Variants in LMAN2 observed in about 807,000 individuals in gnomAD.
The protein encoded by LMAN2 is vesicular integral-membrane protein VIP36.
Under a neutral mutation model 39.3 loss-of-function variants are expected in LMAN2, and 22 were observed. The ratio of observed to expected loss-of-function variants is 0.56; its 90% CI spans 0.40 to 0.80. LMAN2 has a LOEUF of 0.80. LMAN2 is among the 30% of genes least tolerant of loss of function. The probability of loss-of-function intolerance (pLI) is 0.00; values close to 1 mark genes in which losing one functional copy is unlikely to be tolerated. For missense variants in LMAN2, 494 were observed against 505.4 expected (o/e 0.98, Z 0.22); for synonymous variants, 207 against 207.8 (o/e 1.00, Z 0.03).
rs780699408 is a variant in LMAN2 at position 177,351,310 on chromosome 5, G to A, written c.197-19C>T. 28 of 1,612,768 alleles carry A rather than the reference G, an allele frequency of 1.7e-5. No individual in the cohort carries two copies. Among genetic ancestry groups the A allele is most frequent in the African/African-American group, 4.0e-5 (3 of 74,918 alleles). On this transcript the variant is annotated intron_variant, in intron 1 of 7. Transcript: ENST00000303127. ...CCGACCCCTGTGGGAAGAGACAGGT[G>A]CTAAGAGGCCACGCCAGGACTGGCC...
intron 2 of LMAN2, among the ~76,000 whole-genome samples, chr5:177,343,230 GGCGAC>G (rs1230688156): frequency 6.6e-6 from 1 of 152,132 alleles, no homozygotes; most frequent in Admixed American, 6.6e-5. Context: ...ACTCCAGCCT[GGCGAC>G]AGGGCGAGAC....
chr5:177,344,061 A>C (rs1179136990), intron 2 of LMAN2, among the ~76,000 whole-genome samples: 2 of 151,676 alleles, frequency 1.3e-5, no homozygotes, highest in Non-Finnish European at 2.9e-5. Context: ...AAATTAAAAA[A>C]AAAAAAATTA....
Position 177,334,281 on chromosome 5 carries a change from C to A in LMAN2, c.910+3G>T. The A allele has an allele frequency of 6.2e-7, 1 of 1,611,002 alleles. No homozygotes were observed. On this transcript the variant is annotated splice_donor_region_variant and intron_variant, in intron 7 of 7. Transcript: ENST00000303127. ...CAGGCAGGGCGGGGCTGTGCACACG[C>A]ACCTTTGGGCGACTTGAGGAAGTTG...
rs116443331 is a variant in LMAN2, at chr5:177,341,590, G to A, written c.316-2985C>T. 9.0e-3 allele frequency among the ~76,000 whole-genome samples: 1,368 copies of A among 152,248 alleles called. 25 individuals are homozygous for A. The highest frequency in any genetic ancestry group is 0.032 in the African/African-American group (1,314 of 41,528). On this transcript the variant is annotated intron_variant, in intron 2 of 7. Transcript: ENST00000303127. ...AATGAAGGTAAAATAAAGATATTTT[G>A]AGACAAACAAACAAAAACCAAAAGA...
intron 2 of LMAN2, among the ~76,000 whole-genome samples, chr5:177,344,917 A>G (rs1229253830): frequency 4.0e-5 from 6 of 151,518 alleles, no homozygotes; most frequent in Admixed American, 3.9e-4. Context: ...AAAAAAGAAA[A>G]GAAAAGAAAA....
intron 2 of LMAN2, among the ~76,000 whole-genome samples, chr5:177,339,001 T>C (rs1196819657): frequency 6.6e-6 from 1 of 152,216 alleles, no homozygotes; most frequent in Admixed American, 6.5e-5. Context: ...CAACTCCTAT[T>C]TGAGCAAAGT....
rs1009493387 is a variant in LMAN2, at chr5:177,332,647, C to T, written c.911-401G>A. Among the ~76,000 whole-genome samples the T allele has an allele frequency of 2.6e-5, 4 of 152,262 alleles. No homozygotes were observed. The highest frequency in any genetic ancestry group is 9.6e-5 in the African/African-American group (4 of 41,558). On this transcript the variant is annotated intron_variant, in intron 7 of 7. Transcript: ENST00000303127. The surrounding 1 kb of genome is among the most constrained non-coding windows in gnomAD (Gnocchi z 6.3). ...CTTTCTGGAGCAGCGCGGCCCTGGTCACAGGCTCTCCCAGCCCACAGCTGG... is the reference window on the plus strand; with the variant it reads ...CTTTCTGGAGCAGCGCGGCCCTGGTTACAGGCTCTCCCAGCCCACAGCTGG...
At chr5:177,340,748 C>A (rs1443520629) in intron 2 of LMAN2, among the ~76,000 whole-genome samples, 3 of 151,030 alleles carry the variant, frequency 2.0e-5, no homozygotes, top group Non-Finnish European at 3.0e-5. Flanking sequence ...CCAGCCTGGG[C>A]AACAGAGTGA....
intron 1 of LMAN2, 54 bp downstream of exon 1, chr5:177,351,397 AG>A: frequency 6.2e-7 from 1 of 1,603,678 alleles, no homozygotes; most frequent in Non-Finnish European, 8.5e-7. Flanking sequence ...GCCTTCCCCT[AG>A]CCCTGTTCAG....
chr5:177,338,434 C>T (rs2127315628), intron 3 of LMAN2, 54 bp downstream of exon 3: 1 of 1,452,572 alleles, frequency 6.9e-7, no homozygotes, highest in Non-Finnish European at 9.6e-7. Flanking sequence ...AGGGGGCCAG[C>T]AGCCATGCCC....
rs759347890 is a variant in LMAN2, at chr5:177,337,364, G to A, written c.674C>T (p.Thr225Met). Residue 225 changes from threonine to methionine, a missense_variant and splice_region_variant, in exon 5 of 8, where the codon ACG (threonine) becomes ATG (methionine). By Grantham distance (81) the Thr-to-Met change is moderately conservative (BLOSUM62 -1). Transcript: ENST00000303127. The surrounding 1 kb of genome is among the most constrained non-coding windows in gnomAD (Gnocchi z 8.2). ...LAVRYSRGRLTVMTDLEDKNE... is the reference protein window; with the variant it reads ...LAVRYSRGRLMVMTDLEDKNE... ...ACCCCCACCGCCTAGCCTGCTCACC[G>A]TCAGACGGCCCCGGGAGTAGCGCAC... The A allele has an allele frequency of 1.4e-5, 22 of 1,610,768 alleles. No individual in the cohort carries two copies. The highest frequency in any genetic ancestry group is 1.7e-4 in the Middle Eastern group (1 of 6,060).
intron 2 of LMAN2, among the ~76,000 whole-genome samples, chr5:177,350,508 C>T (rs1056161943): frequency 2.0e-5 from 3 of 152,186 alleles, no homozygotes; most frequent in African/African-American, 7.2e-5. Context: ...CCCACAGGTC[C>T]AGTCCCTCCA....
chr5:177,350,931 T>C (rs560637706), intron 2 of LMAN2, among the ~76,000 whole-genome samples: 3 of 152,286 alleles, frequency 2.0e-5, no homozygotes, highest in South Asian at 2.1e-4. Flanking sequence ...AAAATGGAGA[T>C]AACATTACTC....
chr5:177,337,656 G>C lies in LMAN2; in HGVS notation c.513+50C>G. On this transcript the variant is annotated intron_variant, in intron 4 of 7. Transcript: ENST00000303127. This position sits in a 1 kb window ranked among gnomAD's most constrained non-coding sequence, Gnocchi z 8.2. The stretch of plus-strand genomic sequence containing the variant: ...AGTCCCAGGGCCCCCTCCTCTAGCC[G>C]ACTGCCCAGTCCTTCCTTTCCTGCT... 1 of 1,607,692 alleles carries C rather than the reference G, an allele frequency of 6.2e-7. No individual in the cohort carries two copies. Among genetic ancestry groups the C allele is most frequent in the South Asian group, 1.1e-5 (1 of 90,492 alleles).
intron 2 of LMAN2, among the ~76,000 whole-genome samples, chr5:177,345,310 C>T (rs1761616645): frequency 1.5e-5 from 2 of 135,976 alleles, no homozygotes; most frequent in South Asian, 4.6e-4. Flanking sequence ...CATTGCATTC[C>T]AGCCTAGGTG....
In LMAN2 at chr5:177,331,895, T is replaced by C; in HGVS notation, c.*191A>G. 8 of 579,650 alleles carry C rather than the reference T, an allele frequency of 1.4e-5. No individual in the cohort carries two copies. Among genetic ancestry groups the C allele is most frequent in the Middle Eastern group, 4.8e-4 (1 of 2,092 alleles). The allele number at this position is 579,650 out of a possible 1,614,324, so 35.9% of individuals were successfully genotyped here. A position where few individuals can be genotyped will look rare whatever the true frequency, so the allele number is the denominator to read the frequency against. Reference sequence around the variant, plus strand: ...AGCCTCCGTCTCCAGCTGTGGGGGGTGCCAGACCCTAAGCCTCGGCTCTGC... The same window carrying C: ...AGCCTCCGTCTCCAGCTGTGGGGGGCGCCAGACCCTAAGCCTCGGCTCTGC... On this transcript the variant is annotated 3_prime_UTR_variant, in exon 8 of 8. Coordinates refer to ENST00000303127, the MANE Select transcript of LMAN2 (RefSeq NM_006816.3).
At chr5:177,333,094 C>A (rs1013455687) in intron 7 of LMAN2, among the ~76,000 whole-genome samples, 2 of 152,240 alleles carry the variant, frequency 1.3e-5, no homozygotes, top group Non-Finnish European at 2.9e-5. Flanking sequence ...CACTCTCGCC[C>A]CAGCCTCTGC....
Position 177,331,705 on chromosome 5 carries a change from G to A in LMAN2, c.*381C>T, listed in dbSNP as rs377461329. ...GGGTTTCCCAGTTCAGGCCTTATCC[G>A]TCGCCACACGTGCCACACACCACAA... On this transcript the variant is annotated 3_prime_UTR_variant, in exon 8 of 8. Transcript: ENST00000303127. 100 of 166,748 alleles carry A rather than the reference G, an allele frequency of 6.0e-4. No homozygotes were observed. The highest frequency in any genetic ancestry group is 2.3e-3 in the African/African-American group (96 of 42,044). 10.3% of individuals were successfully genotyped at this position (166,748 alleles called of 1,614,324 possible).
intron 2 of LMAN2, among the ~76,000 whole-genome samples, chr5:177,340,920 A>T (rs533737376): frequency 1.3e-5 from 2 of 151,098 alleles, no homozygotes; most frequent in African/African-American, 4.9e-5. Flanking sequence ...ACACCCGGCT[A>T]ATTTTTTTGT....
Sources: allele counts gnomAD v4.1 joint callset (sites outside exome capture counted in the v4.1 genomes callset), GRCh38; gene constraint gnomAD v4.1.1; non-coding constraint Gnocchi (gnomAD v3.1); transcripts MANE v1.5; gene names NCBI Gene and HGNC (gene_info 2026-07-23, HGNC 2026-07-21).